NEK10: variants seen among roughly 807,000 people sequenced by gnomAD.
The protein encoded by NEK10 is NIMA related kinase 10, also known as serine/threonine-protein kinase Nek10.
A neutral mutation model predicts 159.8 loss-of-function variants in NEK10; 122 were observed. The ratio of observed to expected loss-of-function variants is 0.76; its 90% CI spans 0.66 to 0.89. NEK10 has a LOEUF of 0.89. Among genes scored for constraint, NEK10 ranks in the 40% least tolerant of loss-of-function variants. NEK10 has a pLI of 0.00. For missense variants in NEK10, 1,342 were observed against 1,323.1 expected, an observed-to-expected ratio of 1.01 and a Z score of -0.22; for synonymous variants, 466 against 457.1, an observed-to-expected ratio of 1.02 and a Z score of -0.25.
intron 22 of NEK10, among the ~76,000 whole-genome samples, chr3:27,268,669 T>C (rs910492475): frequency 6.6e-6 from 1 of 152,336 alleles, no homozygotes; most frequent in East Asian, 1.9e-4. Context: ...ATACACCTCA[T>C]CACTCAAGAG....
At chr3:27,181,795 C>G (rs1205427571) in intron 26 of NEK10, among the ~76,000 whole-genome samples, 3 of 152,046 alleles carry the variant, frequency 2.0e-5, no homozygotes, top group African/African-American at 7.2e-5. Flanking sequence ...CAGGAGAATA[C>G]TAGAATAGGT....
intron 3 of NEK10, among the ~76,000 whole-genome samples, chr3:27,349,902 T>A (rs1366996992): frequency 6.6e-6 from 1 of 152,176 alleles, no homozygotes. Context: ...TGTCACATTA[T>A]GAGACTGTCC....
At chr3:27,268,946 G>A (rs2041118912) in intron 22 of NEK10, among the ~76,000 whole-genome samples, 2 of 152,156 alleles carry the variant, frequency 1.3e-5, no homozygotes, top group African/African-American at 2.4e-5. Context: ...CAGGAGTTTG[G>A]AAGAAGTTGA....
In NEK10 at chr3:27,143,737, C is replaced by T. The variant is rs142978015; in HGVS notation, c.2870-2155G>A. ...AGTTGTACAAATGAGATTCAAGGCT[C>T]CCAGGAGCCACCACCCATCACAGCC... On this transcript the variant is annotated intron_variant, in intron 30 of 35. Transcript: ENST00000691995. Among the ~76,000 whole-genome samples the T allele has an allele frequency of 4.2e-3, 637 of 152,252 alleles. 6 individuals are homozygous for T. Among genetic ancestry groups the T allele is most frequent in the African/African-American group, 0.014 (565 of 41,548 alleles).
At chr3:27,313,055 T>C (rs2044830309) in intron 7 of NEK10, among the ~76,000 whole-genome samples, 1 of 151,646 alleles carries the variant, frequency 6.6e-6, no homozygotes. Context: ...TTTTGTTTTA[T>C]TCCAGCCTGG....
chr3:27,332,642 C>T (rs1053255425), intron 5 of NEK10, among the ~76,000 whole-genome samples: 2 of 152,206 alleles, frequency 1.3e-5, no homozygotes, highest in Non-Finnish European at 2.9e-5. Context: ...GGAATCTTCA[C>T]GTCAGCAAGG....
At chr3:27,191,277 TGGG>T (rs577146371) in intron 26 of NEK10, among the ~76,000 whole-genome samples, 158 of 151,822 alleles carry the variant, frequency 1.0e-3, no homozygotes, top group African/African-American at 3.7e-3. Context: ...CCAATTGCCT[TGGG>T]CCCACCCCCA....
chr3:27,308,387 T>G (rs576116152), intron 10 of NEK10, among the ~76,000 whole-genome samples: 1 of 152,278 alleles, frequency 6.6e-6, no homozygotes, highest in South Asian at 2.1e-4. Flanking sequence ...CCATATAAAT[T>G]TATTTATTTA....
In NEK10 at chr3:27,154,759, T is replaced by C. The variant is rs141057196; in HGVS notation, c.2869+7942A>G. Among the ~76,000 whole-genome samples, 355 of 152,220 alleles carry C rather than the reference T, an allele frequency of 2.3e-3. 2 individuals carry two copies. Among genetic ancestry groups the C allele is most frequent in the African/African-American group, 7.9e-3 (330 of 41,552 alleles). ...ACAAAATCCAGCATCCCTTTATGAT[T>C]AAAACTCTCAGCAAAATTGGCATAC... is the stretch of plus-strand genomic sequence containing the variant. On this transcript the variant is annotated intron_variant, in intron 30 of 35. Transcript: ENST00000691995.
At chr3:27,139,327 C>G (rs1276365158) in intron 31 of NEK10, among the ~76,000 whole-genome samples, 1 of 152,096 alleles carries the variant, frequency 6.6e-6, no homozygotes, top group African/African-American at 2.4e-5. Flanking sequence ...CTTGAAAACC[C>G]TATGATAACC....
intron 23 of NEK10, among the ~76,000 whole-genome samples, chr3:27,224,857 T>TTA (rs1952462284): frequency 1.3e-5 from 2 of 152,162 alleles, no homozygotes; most frequent in Non-Finnish European, 2.9e-5. Context: ...TATTAGACAA[T>TTA]ATCTGAAAAG....
intron 32 of NEK10, among the ~76,000 whole-genome samples, chr3:27,122,918 C>T (rs1941503802): frequency 6.6e-6 from 1 of 152,106 alleles, no homozygotes; most frequent in South Asian, 2.1e-4. Flanking sequence ...CACTGGTAGT[C>T]TCACTGAGCT....
chr3:27,342,814 A>T (rs542537835), intron 5 of NEK10, among the ~76,000 whole-genome samples: 1 of 87,406 alleles, frequency 1.1e-5, no homozygotes, highest in Non-Finnish European at 2.7e-5. Context: ...AGCTGGCTTT[A>T]AAAAAAAAAA....
chr3:27,167,083 G>C (rs1464196740), intron 29 of NEK10, among the ~76,000 whole-genome samples: 1 of 152,066 alleles, frequency 6.6e-6, no homozygotes, highest in Non-Finnish European at 1.5e-5. Flanking sequence ...TCTCAAACCA[G>C]CCTGCCAACT....
rs192886784 is a variant in NEK10 at position 27,177,522 on chromosome 3, G to C, written c.2506-2689C>G. Among the ~76,000 whole-genome samples, 171 of 150,634 alleles carry C rather than the reference G, an allele frequency of 1.1e-3. 1 individual carries two copies. The highest frequency in any genetic ancestry group is 4.1e-3 in the African/African-American group (167 of 40,504). On this transcript the variant is annotated intron_variant, in intron 26 of 35. Coordinates refer to ENST00000691995, the MANE Select transcript of NEK10 (RefSeq NM_001394966.1). ...ATTGTGCCACTGCACTCCAGCCTGG[G>C]TGACAGAGCAAGACTCTTGTCTCAA... is the stretch of plus-strand genomic sequence containing the variant.
At chr3:27,186,654 T>C (rs1449493938) in intron 26 of NEK10, among the ~76,000 whole-genome samples, 1 of 152,180 alleles carries the variant, frequency 6.6e-6, no homozygotes, top group Non-Finnish European at 1.5e-5. Flanking sequence ...ATAAGGCCCA[T>C]GAGAGCAGAG....
chr3:27,310,978 C>G lies in NEK10; in HGVS notation c.607G>C (p.Glu203Gln). 1 of 1,612,426 alleles carries G rather than the reference C, an allele frequency of 6.2e-7. No individual in the cohort carries two copies. Among genetic ancestry groups the G allele is most frequent in the Non-Finnish European group, 8.5e-7 (1 of 1,178,604 alleles). ...TGGGCTCCACTTGTGGTGACCCATT[C>G]TCTTTGATCTTTGACTGCAGCAAGT... ...QKLAAVKDQR[E>Q]WVTTSGAHKT... The change falls in exon 9 of 36, where the codon GAA (glutamate) becomes CAA (glutamine). Residue 203 changes from glutamate (E) to glutamine (Q), a missense_variant. Physicochemically the swap from Glu to Gln is conservative, Grantham distance 29. Coordinates refer to ENST00000691995, the MANE Select transcript of NEK10 (RefSeq NM_001394966.1).
chr3:27,139,124 G>T (rs114722045), intron 31 of NEK10, among the ~76,000 whole-genome samples: 1 of 151,974 alleles, frequency 6.6e-6, no homozygotes, highest in Non-Finnish European at 1.5e-5. Flanking sequence ...TTACAAGGTC[G>T]GATGAAGTCA....
At chr3:27,326,581 A>C (rs2149683781) in intron 5 of NEK10, among the ~76,000 whole-genome samples, 1 of 143,332 alleles carries the variant, frequency 7.0e-6, no homozygotes, top group Non-Finnish European at 1.5e-5. Context: ...AAAAGAACAA[A>C]AATTCCAGAA....
Sources: gnomAD v4.1 joint callset for allele counts (sites outside exome capture counted in the v4.1 genomes callset) on GRCh38, gnomAD v4.1.1 for gene constraint, MANE v1.5 for transcripts, NCBI Gene and HGNC (gene_info 2026-07-23, HGNC 2026-07-21) for gene names.